The following KCNN2 variants were observed in gnomAD, a reference collection of about 807,000 sequenced individuals.
The protein encoded by KCNN2 is potassium calcium-activated channel subfamily N member 2, also known as small conductance calcium-activated potassium channel protein 2.
A neutral mutation model predicts 55.5 loss-of-function variants in KCNN2; 24 were observed. The observed-to-expected ratio is 0.43, with a 90% confidence interval of 0.31 to 0.61. The LOEUF (loss-of-function observed/expected upper bound fraction) is 0.61, where lower values mean the gene tolerates loss of function less well. Among genes scored for constraint, KCNN2 ranks in the 20% least tolerant of loss-of-function variants. The pLI is 0.08. For synonymous variants in KCNN2, 431 were observed against 336.1 expected (o/e 1.28, Z -3.09); for missense variants, 754 against 853.6 (o/e 0.88, Z 1.45).
intron 2 of KCNN2, among the ~76,000 whole-genome samples, chr5:114,376,161 AG>A (rs1314420527): frequency 1.5e-4 from 23 of 152,002 alleles, no homozygotes; most frequent in Admixed American, 1.2e-3. Context: ...TCACTGTCTC[AG>A]TCTGATGCTG....
intron 1 of KCNN2, among the ~76,000 whole-genome samples, chr5:114,149,418 G>C (rs548975956): frequency 6.6e-6 from 1 of 152,144 alleles, no homozygotes; most frequent in Non-Finnish European, 1.5e-5. Flanking sequence ...TAGGCAGATC[G>C]ACAGGTCGAG....
Position 114,093,923 on chromosome 5 carries a change from C to T in KCNN2, c.-271+37423C>T, listed in dbSNP as rs559748333. Reference sequence around the variant, plus strand: ...GAATTTTCCCTGTTACAGATATTCTCACCTCAGTTTATAGGTGAAAAACTG... The same window carrying T: ...GAATTTTCCCTGTTACAGATATTCTTACCTCAGTTTATAGGTGAAAAACTG... On this transcript the variant is annotated intron_variant, in intron 1 of 10. Transcript: ENST00000512097. Among the ~76,000 whole-genome samples, 3 of 152,276 alleles carry T rather than the reference C, an allele frequency of 2.0e-5. No individual in the cohort carries two copies. The East Asian group carries it at 5.8e-4, about 29-fold the overall frequency.
chr5:114,361,302 G>T (rs1330077819), upstream of KCNN2, among the ~76,000 whole-genome samples: 1 of 150,824 alleles, frequency 6.6e-6, no homozygotes, highest in Non-Finnish European at 1.5e-5. Flanking sequence ...AACCCTACCC[G>T]CGCCGCAGCG....
intron 2 of KCNN2, among the ~76,000 whole-genome samples, chr5:114,351,113 G>A (rs1218291273): frequency 1.3e-5 from 2 of 151,614 alleles, no homozygotes; most frequent in African/African-American, 4.8e-5. Flanking sequence ...ATTAATTTGT[G>A]CATTCTTTAA....
chr5:114,405,877 AT>A (rs1758915287), intron 3 of KCNN2, among the ~76,000 whole-genome samples: 2 of 151,544 alleles, frequency 1.3e-5, no homozygotes, highest in Admixed American at 1.3e-4. Flanking sequence ...TACCTGGCTA[AT>A]TTTTTGTATT....
intron 2 of KCNN2, among the ~76,000 whole-genome samples, chr5:114,380,865 C>G (rs148573441): frequency 1.3e-5 from 2 of 152,308 alleles, no homozygotes; most frequent in African/African-American, 4.8e-5. Context: ...CAGACTCTGT[C>G]TCTCAGTTGA....
intron 4 of KCNN2, among the ~76,000 whole-genome samples, chr5:114,465,627 A>AG (rs1256034570): frequency 5.9e-5 from 9 of 152,006 alleles, no homozygotes; most frequent in Non-Finnish European, 1.3e-4. Context: ...AAAAAAAAAA[A>AG]AGAGAGAGGT....
intron 1 of KCNN2, among the ~76,000 whole-genome samples, chr5:114,187,592 G>T (rs1157860830): frequency 7.1e-6 from 1 of 140,796 alleles, no homozygotes; most frequent in Non-Finnish European, 1.5e-5. Context: ...TGCAAGCTCC[G>T]CCTCCCGGGT....
At chr5:114,158,762 G>T (rs566918304) in intron 1 of KCNN2, among the ~76,000 whole-genome samples, 1 of 151,686 alleles carries the variant, frequency 6.6e-6, no homozygotes, top group African/African-American at 2.4e-5. Flanking sequence ...TCTCTTTGAA[G>T]CAATTGTGAA....
rs140835881 is a variant in KCNN2, at chr5:114,457,499, A to G, written c.1638-5550A>G. ...TCTGAACCTGCAATATCCCCCAGGTATGACTGCACTTACACACTTAGGCAT... is the reference window on the plus strand; with the variant it reads ...TCTGAACCTGCAATATCCCCCAGGTGTGACTGCACTTACACACTTAGGCAT... On this transcript the variant is annotated intron_variant, in intron 3 of 7. Coordinates refer to ENST00000673685, the MANE Select transcript of KCNN2 (RefSeq NM_021614.4). 7.3e-4 allele frequency among the ~76,000 whole-genome samples: 111 copies of G among 152,314 alleles called. 1 individual carries two copies. The East Asian group carries it at 0.021, about 28-fold the overall frequency.
intron 2 of KCNN2, among the ~76,000 whole-genome samples, chr5:114,285,152 C>T (rs1006713689): frequency 2.0e-5 from 3 of 151,210 alleles, no homozygotes; most frequent in Admixed American, 6.6e-5. Flanking sequence ...GGTGTGGTGG[C>T]GGGTGCCTGT....
At chr5:114,190,418 C>T (rs76707482) in intron 1 of KCNN2, among the ~76,000 whole-genome samples, 4,342 of 152,094 alleles carry the variant, frequency 0.029, 82 homozygotes, top group Non-Finnish European at 0.042. Context: ...CCTGACTCAG[C>T]GTAGATATAG....
intron 1 of KCNN2, among the ~76,000 whole-genome samples, chr5:114,114,663 T>G (rs1246432929): frequency 6.6e-6 from 1 of 152,146 alleles, no homozygotes; most frequent in Admixed American, 6.6e-5. Context: ...ATTCTGGAAC[T>G]GGAAACTGGA....
At chr5:114,084,933 C>G (rs1002771782) in intron 1 of KCNN2, among the ~76,000 whole-genome samples, 1 of 151,764 alleles carries the variant, frequency 6.6e-6, no homozygotes, top group Admixed American at 6.6e-5. Context: ...CTTTGAATTG[C>G]CTTTACTCCT....
At chr5:114,238,813 C>T (rs1192808016) in intron 2 of KCNN2, among the ~76,000 whole-genome samples, 2 of 152,088 alleles carry the variant, frequency 1.3e-5, no homozygotes, top group East Asian at 1.9e-4. Context: ...AATGCAAAGG[C>T]CCTTTTCTCA....
Position 114,241,808 on chromosome 5 carries a change from A to ATGTG in KCNN2, c.-185+20244_-185+20245insGTGT, listed in dbSNP as rs1561537261. Among the ~76,000 whole-genome samples the ATGTG allele has an allele frequency of 1.4e-3, 41 of 29,258 alleles. 7 individuals are homozygous for ATGTG. The highest frequency in any genetic ancestry group is 3.4e-3 in the African/African-American group (34 of 10,012). 19.2% of individuals were successfully genotyped at this position (29,258 alleles called of 152,430 possible). ...CGTATATATATGTATATATATACGTATATATATATATGTGTGTATATATAT... is the reference window on the plus strand; with the variant it reads ...CGTATATATATGTATATATATACGTATGTGTATATATATATGTGTGTATATATAT... On this transcript the variant is annotated intron_variant, in intron 2 of 10. Coordinates refer to the KCNN2 transcript ENST00000512097.
chr5:114,156,812 A>G (rs1273058280), intron 1 of KCNN2, among the ~76,000 whole-genome samples: 2 of 152,012 alleles, frequency 1.3e-5, no homozygotes, highest in Admixed American at 1.3e-4. Flanking sequence ...ATGATTTGAA[A>G]TTAACAAAGG....
intron 2 of KCNN2, among the ~76,000 whole-genome samples, chr5:114,397,501 C>G (rs1003219959): frequency 1.3e-5 from 2 of 152,176 alleles, no homozygotes; most frequent in East Asian, 1.9e-4. Context: ...ATTCTTCTGT[C>G]TCAGCCTCCT....
intron 2 of KCNN2, among the ~76,000 whole-genome samples, chr5:114,316,220 GT>G (rs748542211): frequency 7.1e-4 from 108 of 152,176 alleles, no homozygotes; most frequent in Non-Finnish European, 1.1e-3. Context: ...AAATTAATAG[GT>G]GTGGATTGTT....
Sources: allele counts gnomAD v4.1 joint callset (sites outside exome capture counted in the v4.1 genomes callset), GRCh38; gene constraint gnomAD v4.1.1; transcripts MANE v1.5; gene names NCBI Gene and HGNC (gene_info 2026-07-23, HGNC 2026-07-21).